Variants in CDC37L1 observed in about 807,000 individuals in gnomAD.
CDC37L1 encodes the protein cell division cycle 37 like 1, HSP90 cochaperone, also known as hsp90 co-chaperone Cdc37-like 1.
CDC37L1 carries 32 observed loss-of-function variants against 45.9 expected under a neutral mutation model. The ratio of observed to expected loss-of-function variants is 0.70; its 90% CI spans 0.53 to 0.94. CDC37L1 has a LOEUF of 0.94. CDC37L1 is among the 40% of genes least tolerant of loss of function. The probability of loss-of-function intolerance (pLI) is 0.00; values close to 1 mark genes in which losing one functional copy is unlikely to be tolerated. For missense variants in CDC37L1, 434 were observed against 405.7 expected (o/e 1.07, Z -0.60); for synonymous variants, 150 against 133.0 (o/e 1.13, Z -0.88).
intron 3 of CDC37L1, among the ~76,000 whole-genome samples, chr9:4,696,030 C>T (rs1841344622): frequency 6.6e-6 from 1 of 152,194 alleles, no homozygotes; most frequent in Non-Finnish European, 1.5e-5. Context: ...AGGTGATCCG[C>T]CTGCCTTGGC....
Position 4,679,808 on chromosome 9 carries a change from C to G in CDC37L1, c.41C>G (p.Pro14Arg). The G allele has an allele frequency of 6.2e-7, 1 of 1,613,816 alleles. No individual in the cohort carries two copies. The highest frequency in any genetic ancestry group is 8.5e-7 in the Non-Finnish European group (1 of 1,179,870). ...CCGCCTCCGGGACCCTGGAGCCTCC[C>G]TCGGGCCGAGGGTGAGGCTGAGGAA... is the stretch of plus-strand genomic sequence containing the variant. ...PWPPPGPWSL[P>R]RAEGEAEEES... The change falls in exon 1 of 7, where the codon CCT becomes CGT. Residue 14 changes from proline to arginine, a missense_variant. By Grantham distance (103) the Pro-to-Arg change is moderately radical. Coordinates refer to ENST00000381854, the MANE Select transcript of CDC37L1 (RefSeq NM_017913.4).
At chr9:4,698,141 CATT>C (rs1841365194) in intron 5 of CDC37L1, among the ~76,000 whole-genome samples, 1 of 152,128 alleles carries the variant, frequency 6.6e-6, no homozygotes, top group Non-Finnish European at 1.5e-5. Flanking sequence ...TACGTTCCAT[CATT>C]AATTCATTCA....
At chr9:4,685,990 C>G (rs1473947250) in intron 2 of CDC37L1, among the ~76,000 whole-genome samples, 1 of 152,168 alleles carries the variant, frequency 6.6e-6, no homozygotes, top group African/African-American at 2.4e-5. Flanking sequence ...TGATGAAACC[C>G]TGTCTCTATA....
intron 3 of CDC37L1, among the ~76,000 whole-genome samples, chr9:4,690,914 A>C (rs933726181): frequency 1.3e-5 from 2 of 152,234 alleles, no homozygotes; most frequent in Non-Finnish European, 2.9e-5. Context: ...GAGACCTGGA[A>C]TACCTGCAAT....
chr9:4,690,183 C>T (rs1412257305), intron 3 of CDC37L1, among the ~76,000 whole-genome samples: 1 of 152,128 alleles, frequency 6.6e-6, no homozygotes, highest in African/African-American at 2.4e-5. Context: ...ATTTCTTTTG[C>T]TGTAAAATGA....
intron 1 of CDC37L1, 74 bp from the exon 2 acceptor site, chr9:4,684,803 T>C (rs1156632006): frequency 9.1e-7 from 1 of 1,093,764 alleles, no homozygotes; most frequent in African/African-American, 1.6e-5. Context: ...ATCCTTTGAA[T>C]TAAGAAAAAT....
intron 6 of CDC37L1, among the ~76,000 whole-genome samples, chr9:4,703,532 T>C (rs921234872): frequency 5.3e-5 from 8 of 152,186 alleles, no homozygotes; most frequent in African/African-American, 1.7e-4. Context: ...TCCTAAGAAA[T>C]AGCCCATAGG....
At chr9:4,697,969 C>CT in intron 5 of CDC37L1, 90 bp downstream of exon 5, 6 of 1,087,962 alleles carry the variant, frequency 5.5e-6, no homozygotes, top group African/African-American at 1.6e-5. Context: ...GGCATCCAAG[C>CT]AGGATGCCAC....
rs777621873 is a variant in CDC37L1 at position 4,706,072 on chromosome 9, A to G, written c.974A>G (p.His325Arg). 9.3e-6 allele frequency: 15 copies of G among 1,604,896 alleles called. No individual in the cohort carries two copies. In the African/African-American group the frequency reaches 1.3e-4, roughly 14 times the overall value. ...TALCSLNSVV[H>R]KEDDEPKMMD... ...CTCTGCAGCTTAAACTCGGTGGTAC[A>G]TAAAGAAGATGATGAACCCAAAATG... Residue 325 changes from histidine to arginine, a missense_variant, in exon 7 of 7, where the codon CAT (histidine) becomes CGT (arginine). Coordinates refer to ENST00000381854, the MANE Select transcript of CDC37L1 (RefSeq NM_017913.4).
At chr9:4,688,430 G>A (rs963638197) in intron 2 of CDC37L1, 83 bp from the exon 3 acceptor site, 35 of 745,044 alleles carry the variant, frequency 4.7e-5, no homozygotes, top group Non-Finnish European at 7.1e-5. Context: ...TCTATAGGAA[G>A]AATTGCTAGA....
chr9:4,692,910 C>T (rs993094436), intron 3 of CDC37L1, among the ~76,000 whole-genome samples: 5 of 151,854 alleles, frequency 3.3e-5, no homozygotes, highest in African/African-American at 1.2e-4. Flanking sequence ...TAACATGGAG[C>T]CTAGGAAACA....
intron 6 of CDC37L1, among the ~76,000 whole-genome samples, chr9:4,704,165 G>A (rs994032109): frequency 6.6e-6 from 1 of 152,136 alleles, no homozygotes; most frequent in Non-Finnish European, 1.5e-5. Flanking sequence ...ATGTTGTAAA[G>A]CACTTTCACA....
chr9:4,684,349 A>T (rs2130843082), intron 1 of CDC37L1, among the ~76,000 whole-genome samples: 1 of 152,324 alleles, frequency 6.6e-6, no homozygotes. Context: ...TGTCTGATAT[A>T]ATCAGTTATA....
At chr9:4,685,607 G>C (rs1221917745) in intron 2 of CDC37L1, 2 of 157,380 alleles carry the variant, frequency 1.3e-5, no homozygotes, top group African/African-American at 4.8e-5. Context: ...TGATAACTTA[G>C]TGGTGGGTTA....
chr9:4,687,963 A>G (rs1020313928), intron 2 of CDC37L1, among the ~76,000 whole-genome samples: 21 of 152,314 alleles, frequency 1.4e-4, no homozygotes, highest in Admixed American at 5.9e-4. Flanking sequence ...GTTTTTCTGT[A>G]TGATTTCTAA....
rs7024121 is a variant in CDC37L1, at chr9:4,702,077, A to C, written c.912+49A>C. 8.6e-3 allele frequency: 8,827 copies of C among 1,023,842 alleles called. 545 individuals carry two copies. In the African/African-American group the frequency reaches 0.13, roughly 16 times the overall value. 63.4% of individuals were successfully genotyped at this position (1,023,842 alleles called of 1,614,324 possible). A position where few individuals can be genotyped will look rare whatever the true frequency, so the allele number is the denominator to read the frequency against. On this transcript the variant is annotated intron_variant, in intron 6 of 6. Transcript: ENST00000381854. ...GTTTTATAAGCCTATTAATTCACAT[A>C]ATTTTTGTTATTTTGCCCCACTCTT... is the stretch of plus-strand genomic sequence containing the variant.
At chr9:4,690,665 A>G (rs1181685055) in intron 3 of CDC37L1, among the ~76,000 whole-genome samples, 4 of 152,214 alleles carry the variant, frequency 2.6e-5, no homozygotes, top group East Asian at 1.9e-4. Context: ...TGAACTTCCA[A>G]TATACTATCT....
At chr9:4,705,489 C>T (rs1325698376) in intron 6 of CDC37L1, among the ~76,000 whole-genome samples, 1 of 152,118 alleles carries the variant, frequency 6.6e-6, no homozygotes, top group African/African-American at 2.4e-5. Context: ...GGTGTAAATA[C>T]ATCTCAAAAG....
chr9:4,688,966 A>AT (rs1036022310), intron 3 of CDC37L1, among the ~76,000 whole-genome samples: 2 of 151,656 alleles, frequency 1.3e-5, no homozygotes, highest in East Asian at 1.9e-4. Context: ...AAGATTATTC[A>AT]TTTTTTTTCA....
Sources: gnomAD v4.1 joint callset for allele counts (sites outside exome capture counted in the v4.1 genomes callset) on GRCh38, gnomAD v4.1.1 for gene constraint, MANE v1.5 for transcripts, NCBI Gene and HGNC (gene_info 2026-07-23, HGNC 2026-07-21) for gene names.